Variants in CEP170 observed in about 807,000 individuals in gnomAD.
The protein encoded by CEP170 is centrosomal protein 170.
In CEP170, 21 loss-of-function variants were observed where a neutral mutation model predicts 151.9. That is an observed-to-expected ratio of 0.14 (90% CI 0.10 to 0.20). The LOEUF (loss-of-function observed/expected upper bound fraction) is 0.20. CEP170 is among the 10% of genes least tolerant of loss of function. The probability of loss-of-function intolerance (pLI) is 1.00; values close to 1 mark genes in which losing one functional copy is unlikely to be tolerated. For synonymous variants in CEP170, 356 were observed against 648.8 expected (o/e 0.55, Z 6.86); for missense variants, 964 against 1,892.9 (o/e 0.51, Z 9.11).
intron 16 of CEP170, 84 bp downstream of exon 16, chr1:243,139,853 G>C (rs531931393): frequency 1.4e-6 from 2 of 1,464,080 alleles, no homozygotes; most frequent in African/African-American, 2.8e-5. Flanking sequence ...TTTTTCCCCA[G>C]CCCTACTCAC....
At chr1:243,212,690 C>A (rs1172528018) in intron 3 of CEP170, among the ~76,000 whole-genome samples, 6 of 149,720 alleles carry the variant, frequency 4.0e-5, no homozygotes, top group African/African-American at 1.5e-4. Context: ...TTTCTTTCTT[C>A]TCTCTCTCTC....
chr1:243,129,748 T>C (rs185772541), intron 17 of CEP170, among the ~76,000 whole-genome samples: 17 of 152,208 alleles, frequency 1.1e-4, no homozygotes, highest in African/African-American at 3.8e-4. Context: ...AACTTTAATA[T>C]TTATAATTTA....
intron 2 of CEP170, among the ~76,000 whole-genome samples, chr1:243,223,110 T>C (rs1430044148): frequency 6.6e-6 from 1 of 152,236 alleles, no homozygotes; most frequent in Non-Finnish European, 1.5e-5. Flanking sequence ...TTCACCATAT[T>C]GTTGATGTAT....
At position 243,211,943 on chromosome 1, in the gene CEP170, T is replaced by C; in HGVS notation, c.217A>G (p.Ile73Val). ...LNGTFVNDVRIPEQTYITLKL... is the reference protein window; with the variant it reads ...LNGTFVNDVRVPEQTYITLKL... ...AAGGTGATATAAGTCTGTTCCGGAA[T>C]CCTTACATCATTCACAAAAGTCTAC... Residue 73 changes from isoleucine to valine, a missense_variant, in exon 4 of 20, where the codon ATT (isoleucine) becomes GTT (valine). Transcript: ENST00000366542. 2 of 1,539,902 alleles carry C rather than the reference T, an allele frequency of 1.3e-6. No individual in the cohort carries two copies. Among genetic ancestry groups the C allele is most frequent in the Non-Finnish European group, 1.7e-6 (2 of 1,148,264 alleles).
Position 243,166,064 on chromosome 1 carries a change from A to G in CEP170, c.1896T>C (p.Thr632=). 6.2e-7 allele frequency: 1 copy of G among 1,612,602 alleles called. No individual in the cohort carries two copies. Among genetic ancestry groups the G allele is most frequent in the Non-Finnish European group, 8.5e-7 (1 of 1,179,198 alleles). The change falls in exon 13 of 20, where the codon ACT becomes ACC. Residue 632 remains threonine (T), a synonymous_variant. Transcript: ENST00000366542. ...TTCTCTCTCCCTGGCTAGCCAAGGAAGTTGCAGAGCCAGTACTTCTCACTG... is the reference window on the plus strand; with the variant it reads ...TTCTCTCTCCCTGGCTAGCCAAGGAGGTTGCAGAGCCAGTACTTCTCACTG... ...GMTVRSTGSA[T]SLASQGERRR...
chr1:243,154,087 G>A (rs2057350691), intron 14 of CEP170, among the ~76,000 whole-genome samples: 1 of 152,172 alleles, frequency 6.6e-6, no homozygotes, highest in Non-Finnish European at 1.5e-5. Flanking sequence ...TATTCTAAAT[G>A]GAGCTTGCTT....
rs1423543693 is a variant in CEP170, at chr1:243,177,230, G to C, written c.1567-4384C>G. On this transcript the variant is annotated intron_variant, in intron 10 of 19. Coordinates refer to ENST00000366542, the MANE Select transcript of CEP170 (RefSeq NM_014812.3). Reference sequence around the variant, plus strand: ...TGTGAAAGAAGAGAAGCGCCGTGGGGTAAGATGTAGGCATAAAACTATAGT... The same window carrying C: ...TGTGAAAGAAGAGAAGCGCCGTGGGCTAAGATGTAGGCATAAAACTATAGT... 2.0e-5 allele frequency among the ~76,000 whole-genome samples: 3 copies of C among 152,186 alleles called. No homozygotes were observed. The South Asian group carries it at 6.2e-4, about 31-fold the overall frequency.
intron 10 of CEP170, among the ~76,000 whole-genome samples, chr1:243,182,294 A>C (rs1429798265): frequency 6.6e-5 from 10 of 152,192 alleles, no homozygotes; most frequent in African/African-American, 2.4e-4. Flanking sequence ...CCCAGCCTGC[A>C]GAATTGTGAG....
chr1:243,132,558 A>G (rs1317092316), intron 17 of CEP170, among the ~76,000 whole-genome samples: 1 of 152,234 alleles, frequency 6.6e-6, no homozygotes, highest in Non-Finnish European at 1.5e-5. Flanking sequence ...TTCTGTATTT[A>G]TGTATAACTT....
intron 10 of CEP170, among the ~76,000 whole-genome samples, chr1:243,177,717 T>C (rs2059345762): frequency 6.6e-6 from 1 of 152,256 alleles, no homozygotes; most frequent in African/African-American, 2.4e-5. Context: ...TATGAAAATC[T>C]AATTTTACTT....
intron 1 of CEP170, among the ~76,000 whole-genome samples, chr1:243,245,883 C>T (rs894963193): frequency 2.0e-5 from 3 of 151,714 alleles, no homozygotes; most frequent in East Asian, 3.9e-4. Context: ...GAGGTAAAGG[C>T]TGCAGCAAGC....
At chr1:243,140,134 G>A (rs2055655145) in intron 15 of CEP170, 27 bp from the exon 16 acceptor site, 1 of 1,602,758 alleles carries the variant, frequency 6.2e-7, no homozygotes, top group Non-Finnish European at 8.5e-7. Context: ...AAACCTTTAT[G>A]AGAACACAGT....
In CEP170 at chr1:243,189,461, C is replaced by T. The variant is rs532754584; in HGVS notation, c.1108+1557G>A. 5.9e-3 allele frequency among the ~76,000 whole-genome samples: 881 copies of T among 149,802 alleles called. 3 individuals are homozygous for T. Among genetic ancestry groups the T allele is most frequent in the Non-Finnish European group, 9.6e-3 (654 of 67,786 alleles). On this transcript the variant is annotated intron_variant, in intron 8 of 19. Coordinates refer to ENST00000366542, the MANE Select transcript of CEP170 (RefSeq NM_014812.3). ...GTTCCAGCTACTCGGGAGGCTGAGG[C>T]AGGAGAATCGCGTGAACCCAGGAGG...
chr1:243,199,410 T>C (rs577074353), intron 6 of CEP170, among the ~76,000 whole-genome samples: 1 of 152,228 alleles, frequency 6.6e-6, no homozygotes, highest in African/African-American at 2.4e-5. Flanking sequence ...CACTGGGTGG[T>C]ATCTAAGTAA....
chr1:243,212,932 T>G (rs1041510211), intron 3 of CEP170, among the ~76,000 whole-genome samples: 5 of 152,140 alleles, frequency 3.3e-5, no homozygotes, highest in Admixed American at 2.6e-4. Context: ...CCCAAAATCC[T>G]GGGATTATAG....
chr1:243,254,096 A>G (rs894754286), intron 1 of CEP170, among the ~76,000 whole-genome samples: 1 of 152,104 alleles, frequency 6.6e-6, no homozygotes, highest in African/African-American at 2.4e-5. Context: ...TCTCTAGCCC[A>G]GGCTCCAACG....
At position 243,125,787 on chromosome 1, in the gene CEP170, T is replaced by A. The variant is rs888781320; in HGVS notation, c.*662A>T. On this transcript the variant is annotated 3_prime_UTR_variant, in exon 20 of 20. Transcript: ENST00000366542. ...CGGTTAGTCCTTATTGATATATAGA[T>A]ATGTCCACCTACCACTCCCAGCAAA... The A allele has an allele frequency of 4.2e-6, 1 of 238,674 alleles. No individual in the cohort carries two copies. The highest frequency in any genetic ancestry group is 2.3e-5 in the African/African-American group (1 of 44,170). The allele number at this position is 238,674 out of a possible 1,614,324, so 14.8% of individuals were successfully genotyped here.
intron 2 of CEP170, among the ~76,000 whole-genome samples, chr1:243,224,700 T>C (rs2063092429): frequency 1.3e-5 from 2 of 152,188 alleles, no homozygotes; most frequent in African/African-American, 4.8e-5. Flanking sequence ...ATACTATCTG[T>C]GTGTATCACA....
intron 1 of CEP170, among the ~76,000 whole-genome samples, chr1:243,233,461 C>T (rs895430740): frequency 1.2e-4 from 18 of 152,000 alleles, no homozygotes; most frequent in Non-Finnish European, 2.1e-4. Context: ...AGGCCAGGCG[C>T]GGTGGCTCAC....
Sources: gnomAD v4.1 joint callset for allele counts (sites outside exome capture counted in the v4.1 genomes callset) on GRCh38, gnomAD v4.1.1 for gene constraint, MANE v1.5 for transcripts, NCBI Gene and HGNC (gene_info 2026-07-23, HGNC 2026-07-21) for gene names.